The following CNTN5 variants were observed in gnomAD, a reference collection of about 807,000 sequenced individuals.
The protein encoded by CNTN5 is contactin 5, also known as contactin-5.
CNTN5 carries 77 observed loss-of-function variants against 129.1 expected under a neutral mutation model. The ratio of observed to expected loss-of-function variants is 0.60; its 90% CI spans 0.50 to 0.72. The LOEUF is 0.72. CNTN5 is among the 30% of genes least tolerant of loss of function. The pLI is 0.00. For synonymous variants in CNTN5, 509 were observed against 465.6 expected (o/e 1.09, Z -1.20); for missense variants, 1,478 against 1,328.8 (o/e 1.11, Z -1.75).
chr11:99,182,691 T>A (rs1467988989), intron 1 of CNTN5, among the ~76,000 whole-genome samples: 1 of 152,146 alleles, frequency 6.6e-6, no homozygotes, highest in Non-Finnish European at 1.5e-5. Context: ...TACTCTCTAA[T>A]AAGTTCCAGT....
chr11:99,022,280 A>G (rs1862908130), intron 1 of CNTN5, among the ~76,000 whole-genome samples: 1 of 152,166 alleles, frequency 6.6e-6, no homozygotes, highest in Admixed American at 6.5e-5. Context: ...TTATAGACAA[A>G]TAGTCAAATT....
chr11:99,537,740 C>T (rs536956832), intron 2 of CNTN5, among the ~76,000 whole-genome samples: 4 of 152,220 alleles, frequency 2.6e-5, no homozygotes, highest in African/African-American at 7.2e-5. Context: ...ATCTAAGAAC[C>T]ATGCCTGGTA....
intron 1 of CNTN5, among the ~76,000 whole-genome samples, chr11:99,213,651 T>A (rs1370593399): frequency 6.6e-6 from 1 of 151,854 alleles, no homozygotes; most frequent in Non-Finnish European, 1.5e-5. Context: ...CCATAGTAGT[T>A]TAGGAAAGAG....
chr11:99,563,570 G>A (rs1487835871), intron 3 of CNTN5, among the ~76,000 whole-genome samples: 2 of 152,160 alleles, frequency 1.3e-5, no homozygotes, highest in Non-Finnish European at 2.9e-5. Context: ...AAATAAAATA[G>A]CATGTATTCT....
At chr11:99,571,677 GATACAA>G (rs1279308148) in intron 3 of CNTN5, among the ~76,000 whole-genome samples, 8 of 151,796 alleles carry the variant, frequency 5.3e-5, no homozygotes, top group African/African-American at 1.9e-4. Flanking sequence ...AGAAGGTTAA[GATACAA>G]ATGACTTAGG....
At chr11:99,179,029 G>A (rs1281296287) in intron 1 of CNTN5, among the ~76,000 whole-genome samples, 1 of 152,092 alleles carries the variant, frequency 6.6e-6, no homozygotes, top group Non-Finnish European at 1.5e-5. Flanking sequence ...TTACATTCCT[G>A]TAAAACATGG....
At chr11:99,736,475 C>T (rs1341042763) in intron 3 of CNTN5, among the ~76,000 whole-genome samples, 1 of 152,102 alleles carries the variant, frequency 6.6e-6, no homozygotes. Context: ...AGATTGGCCT[C>T]CAGTCAAGGC....
intron 3 of CNTN5, among the ~76,000 whole-genome samples, chr11:99,778,164 A>G (rs147416355): frequency 8.8e-4 from 134 of 151,912 alleles, no homozygotes; most frequent in African/African-American, 3.1e-3. Flanking sequence ...CTTTCATAAA[A>G]CTACTGAAGT....
chr11:99,720,141 T>C (rs554328582), intron 3 of CNTN5, among the ~76,000 whole-genome samples: 6 of 152,100 alleles, frequency 3.9e-5, no homozygotes, highest in South Asian at 2.1e-4. Context: ...TTTCAAAAAA[T>C]TGAGGAGGAG....
chr11:99,437,178 G>A (rs1375777284), intron 2 of CNTN5, among the ~76,000 whole-genome samples: 9 of 152,142 alleles, frequency 5.9e-5, no homozygotes, highest in African/African-American at 2.2e-4. Context: ...AGTACTTTAC[G>A]TGGCAAAGAG....
intron 3 of CNTN5, among the ~76,000 whole-genome samples, chr11:99,816,975 T>G (rs73557508): frequency 6.6e-6 from 1 of 152,222 alleles, no homozygotes; most frequent in South Asian, 2.1e-4. Context: ...GGACTCAGTT[T>G]AGATAGAATA....
chr11:100,356,208 A>G lies in CNTN5; in HGVS notation c.3291A>G (p.Ser1097=). 6.2e-7 allele frequency: 1 copy of G among 1,606,376 alleles called. No individual in the cohort carries two copies. The highest frequency in any genetic ancestry group is 8.5e-7 in the Non-Finnish European group (1 of 1,175,170). ...TGCTCTTGGCATTGATGATTCCTTC[A>G]ACTTCCTGGTGAAAACTGCTGACTT... The part of the protein sequence containing the change: ...VTLLLALMIP[S]TSW Residue 1097 remains serine, a synonymous_variant, in exon 25 of 25, where the codon TCA becomes TCG. Coordinates refer to ENST00000524871, the MANE Select transcript of CNTN5 (RefSeq NM_014361.4).
chr11:99,455,221 A>C (rs968299241), intron 2 of CNTN5, among the ~76,000 whole-genome samples: 1 of 152,176 alleles, frequency 6.6e-6, no homozygotes, highest in African/African-American at 2.4e-5. Context: ...TTAAAGTGAA[A>C]GATCACGTGG....
chr11:99,490,321 C>T (rs925645599), intron 2 of CNTN5, among the ~76,000 whole-genome samples: 5 of 152,032 alleles, frequency 3.3e-5, no homozygotes, highest in Admixed American at 6.6e-5. Context: ...TTTTTTTCTC[C>T]ACACCATGAT....
intron 3 of CNTN5, among the ~76,000 whole-genome samples, chr11:99,746,383 T>C (rs1467823937): frequency 6.6e-6 from 1 of 152,208 alleles, no homozygotes; most frequent in African/African-American, 2.4e-5. Context: ...TGACAGTAAA[T>C]GCTTAGATTT....
chr11:99,942,772 G>A (rs1434869950), intron 7 of CNTN5, among the ~76,000 whole-genome samples: 1 of 152,040 alleles, frequency 6.6e-6, no homozygotes, highest in Non-Finnish European at 1.5e-5. Context: ...GTGAGAACAT[G>A]TGGTTTTTGG....
chr11:100,173,494 G>A (rs1947879738), intron 13 of CNTN5, among the ~76,000 whole-genome samples: 1 of 152,090 alleles, frequency 6.6e-6, no homozygotes. Flanking sequence ...ACAGAGCAGT[G>A]GCAGGAAAGA....
At chr11:99,040,215 G>A (rs1386506346) in intron 1 of CNTN5, among the ~76,000 whole-genome samples, 3 of 151,924 alleles carry the variant, frequency 2.0e-5, no homozygotes, top group Non-Finnish European at 2.9e-5. Context: ...GATAAAGATA[G>A]GAAAAATATA....
At chr11:100,107,765 TAAAAG>T (rs1945499436) in intron 13 of CNTN5, among the ~76,000 whole-genome samples, 1 of 152,156 alleles carries the variant, frequency 6.6e-6, no homozygotes, top group East Asian at 1.9e-4. Context: ...TTTATACAAG[TAAAAG>T]AAAATTCTTA....
Sources: gnomAD v4.1 joint callset for allele counts (sites outside exome capture counted in the v4.1 genomes callset) on GRCh38, gnomAD v4.1.1 for gene constraint, MANE v1.5 for transcripts, NCBI Gene and HGNC (gene_info 2026-07-23, HGNC 2026-07-21) for gene names.